SH3PXD2A: variants seen among roughly 807,000 people sequenced by gnomAD.
The protein encoded by SH3PXD2A is SH3 and PX domains 2A, also known as SH3 and PX domain-containing protein 2A.
SH3PXD2A carries 32 observed loss-of-function variants against 115.2 expected under a neutral mutation model. The observed-to-expected ratio is 0.28, with a 90% confidence interval of 0.21 to 0.37. SH3PXD2A has a LOEUF of 0.37. Among genes scored for constraint, SH3PXD2A ranks in the 10% least tolerant of loss-of-function variants. The probability of loss-of-function intolerance (pLI) is 1.00; values close to 1 mark genes in which losing one functional copy is unlikely to be tolerated. For missense variants in SH3PXD2A, 1,328 were observed against 1,498.7 expected (o/e 0.89, Z 1.88); for synonymous variants, 610 against 629.1 (o/e 0.97, Z 0.45).
At chr10:103,731,025 A>C (rs978956125) in intron 4 of SH3PXD2A, among the ~76,000 whole-genome samples, 1 of 151,954 alleles carries the variant, frequency 6.6e-6, no homozygotes. Flanking sequence ...TGTCTGCCGG[A>C]CTGGACTGCA....
At chr10:103,812,517 A>G (rs1445660616) in intron 1 of SH3PXD2A, among the ~76,000 whole-genome samples, 2 of 152,122 alleles carry the variant, frequency 1.3e-5, no homozygotes, top group Non-Finnish European at 2.9e-5. Flanking sequence ...TGGGATTCTC[A>G]TTCCACACAC....
intron 5 of SH3PXD2A, among the ~76,000 whole-genome samples, chr10:103,710,130 C>A (rs2038030372): frequency 7.3e-6 from 1 of 136,580 alleles, no homozygotes; most frequent in East Asian, 2.2e-4. Context: ...CAGTAGCTCA[C>A]ACCTGTAATC....
At chr10:103,736,584 G>A (rs183713895) in intron 3 of SH3PXD2A, among the ~76,000 whole-genome samples, 4 of 152,382 alleles carry the variant, frequency 2.6e-5, no homozygotes, top group Admixed American at 6.5e-5. Flanking sequence ...TGTGCTAGGC[G>A]GCTGTCAATG....
At chr10:103,823,513 T>TA (rs1350923593) in intron 1 of SH3PXD2A, among the ~76,000 whole-genome samples, 1 of 152,220 alleles carries the variant, frequency 6.6e-6, no homozygotes, top group African/African-American at 2.4e-5. Context: ...TTCCATGTGC[T>TA]AGGCTCTGCA....
chr10:103,711,026 G>C (rs2038040712), intron 5 of SH3PXD2A, among the ~76,000 whole-genome samples: 1 of 152,104 alleles, frequency 6.6e-6, no homozygotes, highest in Admixed American at 6.5e-5. Context: ...GAGAGACAGA[G>C]ACCTTGTCTC....
intron 5 of SH3PXD2A, among the ~76,000 whole-genome samples, chr10:103,700,785 G>A (rs2037883704): frequency 1.3e-5 from 2 of 152,178 alleles, no homozygotes; most frequent in Non-Finnish European, 2.9e-5. Context: ...TTGGCTATGG[G>A]GGTTCCCTGG....
chr10:103,708,725 C>T (rs1161532440), intron 5 of SH3PXD2A, among the ~76,000 whole-genome samples: 1 of 152,188 alleles, frequency 6.6e-6, no homozygotes, highest in East Asian at 1.9e-4. Context: ...CTGGGAAATT[C>T]CAAACCAAGA....
chr10:103,724,149 C>T, intron 5 of SH3PXD2A, 121 bp downstream of exon 5: 2 of 473,278 alleles, frequency 4.2e-6, no homozygotes, highest in African/African-American at 2.0e-5. Flanking sequence ...TGTTCTTTAG[C>T]CCGGCTGGCC....
At chr10:103,738,647 C>T (rs956046764) in intron 3 of SH3PXD2A, among the ~76,000 whole-genome samples, 3 of 152,174 alleles carry the variant, frequency 2.0e-5, no homozygotes, top group Non-Finnish European at 2.9e-5. Context: ...AATGCACTCC[C>T]GCCCTTTCTC....
chr10:103,706,408 C>G (rs1487458194), intron 5 of SH3PXD2A, among the ~76,000 whole-genome samples: 1 of 152,242 alleles, frequency 6.6e-6, no homozygotes, highest in Non-Finnish European at 1.5e-5. Context: ...CGGACCAATG[C>G]TGTCCTGGGC....
At position 103,603,646 on chromosome 10, in the gene SH3PXD2A, CG is replaced by C; in HGVS notation, c.1571del (p.Pro524ArgfsTer48). On this transcript the variant is annotated frameshift_variant, in exon 15 of 15. Coordinates refer to ENST00000369774, the MANE Select transcript of SH3PXD2A (RefSeq NM_001394015.1). LOFTEE classifies it high-confidence loss of function. ...TSTLTRPKVPPPAPPSKPKEA... is the reference protein window; with the variant it reads ...TSTLTRPKVPXPAPPSKPKEA... ...CCTTGGGCTTGCTGGGGGGTGCTGG[CG>C]GGGGCACCTTGGGCCGGGTCAGCGT... 1 of 1,603,842 alleles carries C rather than the reference CG, an allele frequency of 6.2e-7. No individual in the cohort carries two copies. The highest frequency in any genetic ancestry group is 8.5e-7 in the Non-Finnish European group (1 of 1,175,256).
At chr10:103,718,002 A>G (rs1248846393) in intron 5 of SH3PXD2A, among the ~76,000 whole-genome samples, 2 of 94,540 alleles carry the variant, frequency 2.1e-5, no homozygotes, top group South Asian at 3.8e-4. Context: ...TGTGGCTTCC[A>G]TGTGTCTTTT....
chr10:103,608,442 A>G (rs914323766), intron 13 of SH3PXD2A, among the ~76,000 whole-genome samples: 6 of 150,450 alleles, frequency 4.0e-5, no homozygotes, highest in African/African-American at 1.5e-4. Flanking sequence ...AAAAAAAAAA[A>G]AAAAAAAAGA....
At position 103,605,908 on chromosome 10, in the gene SH3PXD2A, G is replaced by T. The variant is rs1242858651; in HGVS notation, c.1318C>A (p.Leu440Met). ...GAAGGGGGCTCTGGTGGCTTTGGCA[G>T]TTGGAACCCCTAAGGTTAAGGAACA... Reference protein sequence around the residue: ...PRRESSLGFQLPKPPEPPSVE... With the variant: ...PRRESSLGFQMPKPPEPPSVE... The change falls in exon 14 of 15, where the codon CTG becomes ATG. Residue 440 changes from leucine (L) to methionine (M), a missense_variant. Leu to Met is a conservative substitution (Grantham distance 15). Coordinates refer to ENST00000369774, the MANE Select transcript of SH3PXD2A (RefSeq NM_001394015.1). 1 of 1,614,112 alleles carries T rather than the reference G, an allele frequency of 6.2e-7. No individual in the cohort carries two copies. Among genetic ancestry groups the T allele is most frequent in the South Asian group, 1.1e-5 (1 of 91,068 alleles).
At chr10:103,767,448 T>C (rs939623701) in intron 2 of SH3PXD2A, among the ~76,000 whole-genome samples, 2 of 152,026 alleles carry the variant, frequency 1.3e-5, no homozygotes, top group Non-Finnish European at 2.9e-5. Context: ...AAGGCTGGGG[T>C]AGGGACCAGA....
chr10:103,680,856 C>T (rs571631555), intron 6 of SH3PXD2A, among the ~76,000 whole-genome samples: 9 of 152,178 alleles, frequency 5.9e-5, no homozygotes, highest in Admixed American at 2.6e-4. Context: ...TGCCACGTGC[C>T]GACTAAGTTA....
intron 1 of SH3PXD2A, among the ~76,000 whole-genome samples, chr10:103,829,604 C>T (rs1054851050): frequency 3.3e-5 from 5 of 152,152 alleles, no homozygotes; most frequent in South Asian, 2.1e-4. Context: ...AGTGCAAGGA[C>T]GGAGGGAGGC....
chr10:103,620,688 G>A lies in SH3PXD2A; in HGVS notation c.802+1782C>T, dbSNP rs2036589618. Reference sequence around the variant, plus strand: ...AACTTAGCCCATCAGGCTGAGGCTGGGACATTATGTTGTTTAGGTCTCTTA... The same window carrying A: ...AACTTAGCCCATCAGGCTGAGGCTGAGACATTATGTTGTTTAGGTCTCTTA... On this transcript the variant is annotated intron_variant, in intron 10 of 14. Transcript: ENST00000369774. The surrounding 1 kb of genome is among the most constrained non-coding windows in gnomAD (Gnocchi z 5.3). 1.3e-5 allele frequency among the ~76,000 whole-genome samples: 2 copies of A among 152,114 alleles called. No homozygotes were observed. The highest frequency in any genetic ancestry group is 2.9e-5 in the Non-Finnish European group (2 of 68,032).
intron 2 of SH3PXD2A, among the ~76,000 whole-genome samples, chr10:103,793,508 C>A (rs2039056144): frequency 6.6e-6 from 1 of 152,192 alleles, no homozygotes; most frequent in South Asian, 2.1e-4. Flanking sequence ...GTCTTTTAGG[C>A]TGTTTCCCAT....
Sources: allele counts gnomAD v4.1 joint callset (sites outside exome capture counted in the v4.1 genomes callset), GRCh38; gene constraint gnomAD v4.1.1; non-coding constraint Gnocchi (gnomAD v3.1); transcripts MANE v1.5; gene names NCBI Gene and HGNC (gene_info 2026-07-23, HGNC 2026-07-21).